Variants in FGD5 observed in about 807,000 individuals in gnomAD.
The protein encoded by FGD5 is FYVE, RhoGEF and PH domain containing 5.
In FGD5, 28 loss-of-function variants were observed where a neutral mutation model predicts 133.4. The ratio of observed to expected loss-of-function variants is 0.21; its 90% CI spans 0.16 to 0.29. The LOEUF (loss-of-function observed/expected upper bound fraction) is 0.29. Ranked by LOEUF, FGD5 falls within the 10% of genes least tolerant of loss-of-function variation. The pLI is 1.00. For missense variants in FGD5, 1,858 were observed against 1,895.2 expected (o/e 0.98, Z 0.36); for synonymous variants, 810 against 776.5 (o/e 1.04, Z -0.72).
intron 18 of FGD5, chr3:14,931,490 GATTCT>G (rs1168950325): frequency 6.6e-6 from 1 of 152,116 alleles, no homozygotes; most frequent in East Asian, 1.9e-4. Context: ...TGCCCAGCTT[GATTCT>G]ATTCTATACA....
At chr3:14,844,671 C>T (rs1222540276) in intron 1 of FGD5, among the ~76,000 whole-genome samples, 1 of 152,112 alleles carries the variant, frequency 6.6e-6, no homozygotes, top group African/African-American at 2.4e-5. Flanking sequence ...GACAGTGTGA[C>T]TTTGGGCTAG....
At chr3:14,911,028 A>C in intron 11 of FGD5, 99 bp downstream of exon 11, 1 of 1,166,812 alleles carries the variant, frequency 8.6e-7, no homozygotes, top group Non-Finnish European at 1.2e-6. Context: ...GTGAGAGGAG[A>C]GTAGAACAGA....
intron 1 of FGD5, among the ~76,000 whole-genome samples, chr3:14,841,269 T>C (rs1047520235): frequency 2.6e-5 from 4 of 152,152 alleles, no homozygotes; most frequent in Non-Finnish European, 2.9e-5. Context: ...CCAGGGGTGG[T>C]GAGGAATCAT....
intron 1 of FGD5, among the ~76,000 whole-genome samples, chr3:14,844,251 T>A (rs867696892): frequency 0.016 from 940 of 58,912 alleles, 109 homozygotes; most frequent in Non-Finnish European, 0.02. Flanking sequence ...TATATATATA[T>A]ATATATATAT....
At chr3:14,859,846 A>G (rs1219970692) in intron 1 of FGD5, among the ~76,000 whole-genome samples, 1 of 151,968 alleles carries the variant, frequency 6.6e-6, no homozygotes, top group Admixed American at 6.6e-5. Context: ...GGCCCATGTT[A>G]CAAGTTCCAT....
chr3:14,865,371 T>A (rs2037475382), intron 2 of FGD5, among the ~76,000 whole-genome samples: 2 of 152,232 alleles, frequency 1.3e-5, no homozygotes, highest in South Asian at 4.1e-4. Context: ...TATCTCATTT[T>A]CTCTCCACAA....
At position 14,922,576 on chromosome 3, in the gene FGD5, G is replaced by T. The variant is rs1412617832; in HGVS notation, c.3807+28G>T. On this transcript the variant is annotated intron_variant, in intron 15 of 19. Transcript: ENST00000285046. The surrounding 1 kb of genome is among the most constrained non-coding windows in gnomAD (Gnocchi z 4.1). ...GAGTCGCTGCATCTGGGGTGAGTGT[G>T]TGCATGGGGGTGGGGTGGGGGAAGG... 1 of 1,559,030 alleles carries T rather than the reference G, an allele frequency of 6.4e-7. No individual in the cohort carries two copies. Among genetic ancestry groups the T allele is most frequent in the Admixed American group, 1.9e-5 (1 of 52,870 alleles).
Position 14,821,196 on chromosome 3 carries a change from C to A in FGD5, c.2125C>A (p.Arg709=). 2 of 1,613,954 alleles carry A rather than the reference C, an allele frequency of 1.2e-6. No individual in the cohort carries two copies. The highest frequency in any genetic ancestry group is 8.5e-7 in the Non-Finnish European group (1 of 1,179,876). Residue 709 remains arginine (R), a synonymous_variant, in exon 1 of 20, where the codon CGG becomes AGG. Coordinates refer to ENST00000285046, the MANE Select transcript of FGD5 (RefSeq NM_152536.4). ...CAGCAACTCCCCTCAGCTTAAGTCT[C>A]GGACTGGGAAGCTCCGGGCTTCTGA... ...SLSNSPQLKS[R]TGKLRASESP...
Position 14,900,441 on chromosome 3 carries a change from G to A in FGD5, c.3193G>A (p.Asp1065Asn), listed in dbSNP as rs528396278. The A allele has an allele frequency of 5.6e-6, 9 of 1,613,454 alleles. No individual in the cohort carries two copies. Among genetic ancestry groups the A allele is most frequent in the African/African-American group, 2.7e-5 (2 of 75,012 alleles). ...CCTTTGTCCGGACTCCGCCGAGTAC[G>A]ACAACACACAGGGTGAGTCCAGCGT... ...NNLCPDSAEYDNTQGALSLIS... is the reference protein window; with the variant it reads ...NNLCPDSAEYNNTQGALSLIS... The change falls in exon 8 of 20, where the codon GAC (aspartate) becomes AAC (asparagine). Residue 1065 changes from aspartate (D) to asparagine (N), a missense_variant. Around this residue, in one of 3 missense-constraint regions of FGD5, gnomAD observed 1,824 missense variants for 1,848.9 expected, o/e 0.99. Coordinates refer to ENST00000285046, the MANE Select transcript of FGD5 (RefSeq NM_152536.4).
chr3:14,882,858 T>C (rs1467428285), intron 4 of FGD5, among the ~76,000 whole-genome samples: 2 of 152,116 alleles, frequency 1.3e-5, no homozygotes, highest in African/African-American at 2.4e-5. Flanking sequence ...AGGAGACCCA[T>C]AGACTTTGGG....
chr3:14,922,525 C>T lies in FGD5; in HGVS notation c.3784C>T (p.His1262Tyr), dbSNP rs1445766459. 2 of 1,582,600 alleles carry T rather than the reference C, an allele frequency of 1.3e-6. No individual in the cohort carries two copies. Among genetic ancestry groups the T allele is most frequent in the South Asian group, 1.2e-5 (1 of 86,350 alleles). The change falls in exon 15 of 20, where the codon CAT becomes TAT. Residue 1262 changes from histidine to tyrosine, a missense_variant. Around this residue, in one of 3 missense-constraint regions of FGD5, gnomAD observed 1,824 missense variants for 1,848.9 expected, o/e 0.99. Coordinates refer to ENST00000285046, the MANE Select transcript of FGD5 (RefSeq NM_152536.4). This position sits in a 1 kb window ranked among gnomAD's most constrained non-coding sequence, Gnocchi z 4.1. ...CGACTTCTCCCTCACCCTGCGGCGT[C>T]ATCACTGTCACGCCTGTGGCAAGGT... ...GCDFSLTLRR[H>Y]HCHACGKIVC...
intron 1 of FGD5, among the ~76,000 whole-genome samples, chr3:14,821,853 G>A (rs572011734): frequency 6.6e-6 from 1 of 152,302 alleles, no homozygotes; most frequent in South Asian, 2.1e-4. Flanking sequence ...TGTAATCCCA[G>A]CACTTTGGGA....
intron 1 of FGD5, among the ~76,000 whole-genome samples, chr3:14,823,291 C>T (rs967085755): frequency 3.3e-5 from 5 of 152,184 alleles, no homozygotes; most frequent in Non-Finnish European, 5.9e-5. Context: ...GGTGCTTACC[C>T]AGTGTACTTG....
chr3:14,896,282 A>T (rs2038136968), intron 4 of FGD5, among the ~76,000 whole-genome samples: 1 of 152,180 alleles, frequency 6.6e-6, no homozygotes, highest in Non-Finnish European at 1.5e-5. Flanking sequence ...AATAGAAAAA[A>T]AGTCCTAAGA....
Position 14,917,153 on chromosome 3 carries a change from G to C in FGD5, c.3406-96G>C. The C allele has an allele frequency of 9.3e-7, 1 of 1,071,858 alleles. No individual in the cohort carries two copies. The highest frequency in any genetic ancestry group is 1.5e-5 in the South Asian group (1 of 64,598). The allele number at this position is 1,071,858 out of a possible 1,614,324, so 66.4% of individuals were successfully genotyped here. ...TGGGGGTTACTGAGGAATACAAGAT[G>C]CCTGTGCACAGCGGAGCTCAGGGAT... On this transcript the variant is annotated intron_variant, in intron 11 of 19. Coordinates refer to ENST00000285046, the MANE Select transcript of FGD5 (RefSeq NM_152536.4). The surrounding 1 kb of genome is among the most constrained non-coding windows in gnomAD (Gnocchi z 4.1).
At chr3:14,896,625 C>G (rs1280609294) in intron 4 of FGD5, among the ~76,000 whole-genome samples, 1 of 152,094 alleles carries the variant, frequency 6.6e-6, no homozygotes, top group Non-Finnish European at 1.5e-5. Context: ...CATGCGCAAC[C>G]ACACCCAGCT....
At chr3:14,923,345 G>A in intron 16 of FGD5, 170 bp downstream of exon 16, 1 of 913,314 alleles carries the variant, frequency 1.1e-6, no homozygotes, top group Non-Finnish European at 1.6e-6. Flanking sequence ...CCAATATGTG[G>A]ATTCTGTGGA....
At position 14,901,061 on chromosome 3, in the gene FGD5, G is replaced by C; in HGVS notation, c.3264G>C (p.Gly1088=). The change falls in exon 9 of 20, where the codon GGG becomes GGC. Residue 1088 remains glycine (G), a splice_region_variant and synonymous_variant. Transcript: ENST00000285046. The part of the protein sequence containing the change: ...TDRANDSMEQ[G]ENLQKLVHIE... ...GTGCCAACGACAGCATGGAGCAAGG[G>C]GTGAGTGCGGCCTGGCGGCCCCCTT... is the stretch of plus-strand genomic sequence containing the variant. The C allele has an allele frequency of 1.2e-6, 2 of 1,613,958 alleles. No individual in the cohort carries two copies. Among genetic ancestry groups the C allele is most frequent in the Non-Finnish European group, 1.7e-6 (2 of 1,179,854 alleles).
intron 1 of FGD5, among the ~76,000 whole-genome samples, chr3:14,852,495 T>C (rs1434845052): frequency 1.3e-5 from 2 of 152,210 alleles, no homozygotes; most frequent in Admixed American, 1.3e-4. Context: ...TAGATAACGG[T>C]GTTGGCCACA....
Sources: allele counts gnomAD v4.1 joint callset (sites outside exome capture counted in the v4.1 genomes callset), GRCh38; gene constraint gnomAD v4.1.1; regional missense constraint gnomAD v4.1.1; non-coding constraint Gnocchi (gnomAD v3.1); transcripts MANE v1.5; gene names NCBI Gene and HGNC (gene_info 2026-07-23, HGNC 2026-07-21).